Variants in MLLT10 observed in about 807,000 individuals in gnomAD.
MLLT10 encodes the protein protein AF-10.
MLLT10 carries 30 observed loss-of-function variants against 129.1 expected under a neutral mutation model. That is an observed-to-expected ratio of 0.23 (90% confidence interval 0.17 to 0.32). MLLT10 has a LOEUF of 0.32. Among genes scored for constraint, MLLT10 ranks in the 10% least tolerant of loss-of-function variants. The probability of loss-of-function intolerance (pLI) is 1.00; values close to 1 mark genes in which losing one functional copy is unlikely to be tolerated. For missense variants in MLLT10, 1,119 were observed against 1,268.3 expected, an observed-to-expected ratio of 0.88 and a Z score of 1.79; for synonymous variants, 490 against 446.4, an observed-to-expected ratio of 1.10 and a Z score of -1.23.
intron 5 of MLLT10, among the ~76,000 whole-genome samples, chr10:21,607,289 G>GTTAAAC (rs2044152841): frequency 1.4e-5 from 2 of 141,822 alleles, no homozygotes; most frequent in African/African-American, 5.2e-5. Context: ...ACAATATGTT[G>GTTAAAC]TTAAACTTAT....
chr10:21,584,835 C>T lies in MLLT10; in HGVS notation c.241-1459C>T, dbSNP rs538902568. 1.7e-4 allele frequency among the ~76,000 whole-genome samples: 25 copies of T among 150,986 alleles called. No homozygotes were observed. The South Asian group carries it at 5.0e-3, about 30-fold the overall frequency. ...ATATACACATACATATGTATGTATA[C>T]ATACACACATATATATACGTATGTG... On this transcript the variant is annotated intron_variant, in intron 3 of 22. Coordinates refer to ENST00000307729, the MANE Select transcript of MLLT10 (RefSeq NM_001195626.3).
intron 16 of MLLT10, 23 bp downstream of exon 16, chr10:21,727,951 A>G: frequency 3.1e-6 from 5 of 1,606,932 alleles, no homozygotes; most frequent in Non-Finnish European, 4.3e-6. Context: ...TACACTGCAA[A>G]GTATAGGCAA....
chr10:21,613,180 A>G (rs1016783201), intron 6 of MLLT10, among the ~76,000 whole-genome samples: 21 of 146,228 alleles, frequency 1.4e-4, no homozygotes, highest in Non-Finnish European at 2.8e-4. Flanking sequence ...GCGACAAACC[A>G]AGACTCTGTC....
At chr10:21,691,755 G>T (rs1018007399) in intron 13 of MLLT10, among the ~76,000 whole-genome samples, 2 of 151,810 alleles carry the variant, frequency 1.3e-5, no homozygotes, top group African/African-American at 4.8e-5. Context: ...TCAAAGCAAG[G>T]AACACAGTAA....
chr10:21,725,641 A>G (rs182215357), intron 14 of MLLT10, among the ~76,000 whole-genome samples: 22 of 149,538 alleles, frequency 1.5e-4, no homozygotes, highest in African/African-American at 5.4e-4. Flanking sequence ...GAATTGCTTG[A>G]ACCCTAGAGG....
intron 20 of MLLT10, among the ~76,000 whole-genome samples, chr10:21,734,780 T>G (rs1369637898): frequency 6.6e-6 from 1 of 152,248 alleles, no homozygotes; most frequent in Non-Finnish European, 1.5e-5. Context: ...TTGGATTCTT[T>G]GTTTCAAATA....
intron 3 of MLLT10, among the ~76,000 whole-genome samples, chr10:21,546,287 A>C (rs965879643): frequency 6.6e-6 from 1 of 152,122 alleles, no homozygotes; most frequent in African/African-American, 2.4e-5. Context: ...AATGTTGCTC[A>C]GGCTGGTCTT....
rs201734317 is a variant in MLLT10 at position 21,586,290 on chromosome 10, A to G, written c.241-4A>G. On this transcript the variant is annotated splice_polypyrimidine_tract_variant and splice_region_variant and intron_variant, in intron 3 of 22. Transcript: ENST00000307729. ...ATTACCTGTTTCTTTTTTTTTTTTT[A>G]TAGAGATGTGAACTTTGTCCCCATA... 10,807 of 1,434,490 alleles carry G rather than the reference A, an allele frequency of 7.5e-3. 41 individuals carry two copies. The highest frequency in any genetic ancestry group is 8.5e-3 in the Non-Finnish European group (8,990 of 1,053,154). The allele number at this position is 1,434,490 out of a possible 1,614,324, so 88.9% of individuals were successfully genotyped here.
intron 5 of MLLT10, among the ~76,000 whole-genome samples, chr10:21,610,967 TTTTC>T (rs1342717947): frequency 1.3e-4 from 19 of 149,986 alleles, no homozygotes; most frequent in African/African-American, 4.1e-4. Flanking sequence ...GAATCCTAGT[TTTTC>T]TTTCTTTTTT....
At chr10:21,670,342 C>G (rs1388853124) in intron 9 of MLLT10, 107 bp from the exon 10 acceptor site, 1 of 1,066,464 alleles carries the variant, frequency 9.4e-7, no homozygotes, top group African/African-American at 1.6e-5. Flanking sequence ...AGAACAGAAA[C>G]TTTGTGTTTA....
intron 11 of MLLT10, among the ~76,000 whole-genome samples, chr10:21,680,183 T>C (rs1032238128): frequency 2.0e-5 from 3 of 152,072 alleles, no homozygotes; most frequent in African/African-American, 7.2e-5. Context: ...TAATGTCTTA[T>C]TCATTTGTTA....
At chr10:21,679,344 G>GT (rs1369594800) in intron 11 of MLLT10, among the ~76,000 whole-genome samples, 1 of 152,204 alleles carries the variant, frequency 6.6e-6, no homozygotes, top group East Asian at 1.9e-4. Context: ...TTTTGGAAGA[G>GT]TTGACAATCT....
chr10:21,596,180 A>G (rs1275729492), intron 5 of MLLT10, among the ~76,000 whole-genome samples: 4 of 152,168 alleles, frequency 2.6e-5, no homozygotes, highest in African/African-American at 9.6e-5. Flanking sequence ...ATATAAGACA[A>G]AAATCATTCA....
At chr10:21,670,965 A>G (rs993586580) in intron 10 of MLLT10, 1 of 339,310 alleles carries the variant, frequency 2.9e-6, no homozygotes, top group East Asian at 5.4e-5. Context: ...GATATGGAAT[A>G]ATGCTTAAAA....
intron 8 of MLLT10, among the ~76,000 whole-genome samples, chr10:21,647,634 A>G (rs758584142): frequency 1.4e-5 from 2 of 144,224 alleles, no homozygotes; most frequent in African/African-American, 5.1e-5. Flanking sequence ...GAAAAATACT[A>G]CCTTTAGTTG....
At chr10:21,619,932 T>G (rs897801445) in intron 8 of MLLT10, among the ~76,000 whole-genome samples, 2 of 151,354 alleles carry the variant, frequency 1.3e-5, no homozygotes, top group Non-Finnish European at 1.5e-5. Context: ...TCTTTTTCTT[T>G]TCTTTTTTTT....
intron 3 of MLLT10, among the ~76,000 whole-genome samples, chr10:21,561,911 T>C (rs535751581): frequency 2.6e-4 from 39 of 152,096 alleles, no homozygotes; most frequent in African/African-American, 8.7e-4. Context: ...GTTCAAGCAA[T>C]TCTCCTGCCT....
rs1833908636 is a variant in MLLT10, at chr10:21,743,378, T to C, written c.*1395T>C. Reference sequence around the variant, plus strand: ...ATATTTTGATTTGTAATATTTCTAATTGGTAGATTTAATTGAAAAGTAAAA... The same window carrying C: ...ATATTTTGATTTGTAATATTTCTAACTGGTAGATTTAATTGAAAAGTAAAA... On this transcript the variant is annotated 3_prime_UTR_variant, in exon 23 of 23. Coordinates refer to ENST00000307729, the MANE Select transcript of MLLT10 (RefSeq NM_001195626.3). 4.8e-6 allele frequency: 1 copy of C among 209,762 alleles called. No homozygotes were observed. The highest frequency in any genetic ancestry group is 2.3e-5 in the African/African-American group (1 of 44,024). The allele number at this position is 209,762 out of a possible 1,614,324, so 13.0% of individuals were successfully genotyped here. A position where few individuals can be genotyped will look rare whatever the true frequency, so the allele number is the denominator to read the frequency against.
chr10:21,742,290 T>C lies in MLLT10; in HGVS notation c.*307T>C, dbSNP rs1456137132. ...TGTTTATCAACTCAAGAATTTAATATAGTTGGTACACAACTAGTTTTGTTT... is the reference window on the plus strand; with the variant it reads ...TGTTTATCAACTCAAGAATTTAATACAGTTGGTACACAACTAGTTTTGTTT... On this transcript the variant is annotated 3_prime_UTR_variant, in exon 23 of 23. Transcript: ENST00000307729. 5 of 309,704 alleles carry C rather than the reference T, an allele frequency of 1.6e-5. No homozygotes were observed. The East Asian group carries it at 2.4e-4, about 15-fold the overall frequency. 19.2% of individuals were successfully genotyped at this position (309,704 alleles called of 1,614,324 possible). A position where few individuals can be genotyped will look rare whatever the true frequency, so the allele number is the denominator to read the frequency against.
Sources: gnomAD v4.1 joint callset for allele counts (sites outside exome capture counted in the v4.1 genomes callset) on GRCh38, gnomAD v4.1.1 for gene constraint, MANE v1.5 for transcripts, NCBI Gene and HGNC (gene_info 2026-07-23, HGNC 2026-07-21) for gene names.